The following XIRP2 variants were observed in gnomAD, a reference collection of about 807,000 sequenced individuals.
The protein encoded by XIRP2 is xin actin binding repeat containing 2.
XIRP2 carries 236 observed loss-of-function variants against 277.0 expected under a neutral mutation model. The observed-to-expected ratio is 0.85, with a 90% CI of 0.77 to 0.95. The LOEUF (loss-of-function observed/expected upper bound fraction) is 0.95, where lower values mean the gene tolerates loss of function less well. Ranked by LOEUF, XIRP2 falls within the 40% of genes least tolerant of loss-of-function variation. XIRP2 has a pLI of 0.00. For synonymous variants in XIRP2, 1,490 were observed against 1,416.5 expected (o/e 1.05, Z -1.17); for missense variants, 4,640 against 4,157.5 (o/e 1.12, Z -3.19).
At chr2:167,084,258 T>C (rs1195262512) in intron 2 of XIRP2, among the ~76,000 whole-genome samples, 1 of 152,256 alleles carries the variant, frequency 6.6e-6, no homozygotes, top group Non-Finnish European at 1.5e-5. Flanking sequence ...GATTTGCGTA[T>C]ATTGAACCAG....
intron 10 of XIRP2, among the ~76,000 whole-genome samples, chr2:167,255,657 A>C (rs1695635454): frequency 6.6e-6 from 1 of 151,838 alleles, no homozygotes; most frequent in African/African-American, 2.4e-5. Context: ...TCATATAGCC[A>C]CTACATACCG....
chr2:167,154,437 C>A (rs1327071386), intron 3 of XIRP2, among the ~76,000 whole-genome samples: 3 of 150,508 alleles, frequency 2.0e-5, no homozygotes, highest in Non-Finnish European at 4.4e-5. Context: ...TCAATTTTGT[C>A]TTTTGTTGCC....
At chr2:167,127,387 T>C (rs1691239200) in intron 2 of XIRP2, among the ~76,000 whole-genome samples, 1 of 152,160 alleles carries the variant, frequency 6.6e-6, no homozygotes, top group Non-Finnish European at 1.5e-5. Context: ...TTCTGACAGA[T>C]AGAGAAAAGT....
intron 3 of XIRP2, among the ~76,000 whole-genome samples, chr2:167,169,343 G>A (rs566027503): frequency 3.1e-4 from 47 of 152,300 alleles, no homozygotes; most frequent in African/African-American, 1.0e-3. Flanking sequence ...TCCTATGACT[G>A]CGTGGCCCTG....
At chr2:167,056,008 A>C (rs138918297) in intron 2 of XIRP2, among the ~76,000 whole-genome samples, 1 of 152,274 alleles carries the variant, frequency 6.6e-6, no homozygotes, top group Admixed American at 6.5e-5. Flanking sequence ...TTCAGTAAAT[A>C]CCTTCTTTTT....
At chr2:167,036,526 C>T (rs1349131068) in intron 2 of XIRP2, among the ~76,000 whole-genome samples, 1 of 152,090 alleles carries the variant, frequency 6.6e-6, no homozygotes, top group Non-Finnish European at 1.5e-5. Flanking sequence ...AATACCTGTA[C>T]CCCCATTGTA....
intron 2 of XIRP2, among the ~76,000 whole-genome samples, chr2:166,947,470 A>G (rs1286480081): frequency 6.6e-6 from 1 of 152,202 alleles, no homozygotes; most frequent in Admixed American, 6.6e-5. Flanking sequence ...GCCTGAAAGC[A>G]GAATCTTATT....
At chr2:166,893,008 A>G (rs1195781944) in intron 1 of XIRP2, among the ~76,000 whole-genome samples, 2 of 148,218 alleles carry the variant, frequency 1.3e-5, no homozygotes, top group Admixed American at 6.8e-5. Context: ...ACACACACAC[A>G]ACACCACCAG....
intron 2 of XIRP2, among the ~76,000 whole-genome samples, chr2:167,093,742 G>A (rs1690216937): frequency 1.3e-5 from 2 of 152,116 alleles, no homozygotes; most frequent in Non-Finnish European, 2.9e-5. Flanking sequence ...TTGGTTCCAA[G>A]TCTTTGCTAT....
chr2:166,952,033 T>C lies in XIRP2; in HGVS notation c.408+48143T>C, dbSNP rs149433649. Among the ~76,000 whole-genome samples the C allele has an allele frequency of 7.6e-3, 1,155 of 152,146 alleles. 12 individuals carry two copies. Among genetic ancestry groups the C allele is most frequent in the Non-Finnish European group, 9.5e-3 (646 of 67,962 alleles). On this transcript the variant is annotated intron_variant, in intron 2 of 10. Coordinates refer to ENST00000409195, the MANE Select transcript of XIRP2 (RefSeq NM_152381.6). Reference sequence around the variant, plus strand: ...TGCTTCATCTATAACAGGAGGATAATAACATTACCTGCCCTATTGAAGTGT... The same window carrying C: ...TGCTTCATCTATAACAGGAGGATAACAACATTACCTGCCCTATTGAAGTGT...
chr2:167,249,433 G>A lies in XIRP2; in HGVS notation c.8041G>A (p.Glu2681Lys), dbSNP rs374787433. The stretch of plus-strand genomic sequence containing the variant: ...TTGCGAAATTAAACAAAGTCACCAA[G>A]AATGTAGTACCCAACAAACACAACA... ...SACEIKQSHQECSTQQTQQKK... is the reference protein window; with the variant it reads ...SACEIKQSHQKCSTQQTQQKK... The change falls in exon 9 of 11, where the codon GAA becomes AAA. Residue 2681 changes from glutamate (E) to lysine (K), a missense_variant. Coordinates refer to ENST00000409195, the MANE Select transcript of XIRP2 (RefSeq NM_152381.6). 1.9e-6 allele frequency: 3 copies of A among 1,613,672 alleles called. No homozygotes were observed. The African/African-American group carries it at 4.0e-5, about 22-fold the overall frequency.
chr2:167,244,560 A>G lies in XIRP2; in HGVS notation c.3168A>G (p.Lys1056=). 1.2e-6 allele frequency: 2 copies of G among 1,612,918 alleles called. No individual in the cohort carries two copies. Among genetic ancestry groups the G allele is most frequent in the Non-Finnish European group, 1.7e-6 (2 of 1,179,548 alleles). Reference sequence around the variant, plus strand: ...AGACTGGAAATGTGAAATCTGCCAAATGGTTGTTTGAAACCCAACCTCTTG... The same window carrying G: ...AGACTGGAAATGTGAAATCTGCCAAGTGGTTGTTTGAAACCCAACCTCTTG... ...EIQTGNVKSA[K]WLFETQPLDS... Residue 1056 remains lysine, a synonymous_variant, in exon 9 of 11, where the codon AAA becomes AAG. Transcript: ENST00000409195.
chr2:166,980,583 A>AT (rs1360337939), intron 2 of XIRP2, among the ~76,000 whole-genome samples: 6 of 151,900 alleles, frequency 3.9e-5, no homozygotes, highest in African/African-American at 1.5e-4. Flanking sequence ...CGTCTGGCTA[A>AT]TTTTTTGTAC....
intron 2 of XIRP2, among the ~76,000 whole-genome samples, chr2:167,028,032 A>C (rs904663784): frequency 6.6e-6 from 1 of 152,092 alleles, no homozygotes; most frequent in Non-Finnish European, 1.5e-5. Flanking sequence ...GATATTTGAA[A>C]AATGTTTTAT....
chr2:167,144,197 CTT>C (rs1691802621), intron 3 of XIRP2, among the ~76,000 whole-genome samples: 1 of 151,958 alleles, frequency 6.6e-6, no homozygotes, highest in African/African-American at 2.4e-5. Flanking sequence ...AACACATAAA[CTT>C]TTCTCTTTGA....
chr2:166,955,023 C>A (rs893371455), intron 2 of XIRP2, among the ~76,000 whole-genome samples: 1 of 151,800 alleles, frequency 6.6e-6, no homozygotes, highest in Non-Finnish European at 1.5e-5. Context: ...ACACATTTAC[C>A]TGTGTAACAA....
intron 3 of XIRP2, among the ~76,000 whole-genome samples, chr2:167,170,082 T>C (rs1219374421): frequency 6.6e-6 from 1 of 152,142 alleles, no homozygotes. Flanking sequence ...TAGTCTTTGT[T>C]GAGAGTTTTA....
intron 2 of XIRP2, among the ~76,000 whole-genome samples, chr2:167,121,996 C>T (rs1691069866): frequency 6.6e-6 from 1 of 152,082 alleles, no homozygotes; most frequent in Non-Finnish European, 1.5e-5. Flanking sequence ...CATGGGAGAA[C>T]CTCAGTGAAT....
chr2:166,958,711 AT>A (rs948026459), intron 2 of XIRP2, among the ~76,000 whole-genome samples: 4 of 151,748 alleles, frequency 2.6e-5, no homozygotes, highest in African/African-American at 9.7e-5. Context: ...ATTATTATTA[AT>A]TTTTATTTTA....
Sources: gnomAD v4.1 joint callset for allele counts (sites outside exome capture counted in the v4.1 genomes callset) on GRCh38, gnomAD v4.1.1 for gene constraint, MANE v1.5 for transcripts, NCBI Gene and HGNC (gene_info 2026-07-23, HGNC 2026-07-21) for gene names.